The following LPAR1 variants were observed in gnomAD, a reference collection of about 807,000 sequenced individuals.
The protein encoded by LPAR1 is lysophosphatidic acid receptor 1, also known as LPA receptor 1.
LPAR1 carries 5 observed loss-of-function variants against 23.8 expected under a neutral mutation model. The observed-to-expected ratio is 0.21, with a 90% CI of 0.11 to 0.44. The LOEUF is 0.44. LPAR1 is among the 20% of genes least tolerant of loss of function. The pLI is 0.99. For missense variants in LPAR1, 311 were observed against 482.8 expected (o/e 0.64, Z 3.33); for synonymous variants, 160 against 164.7 (o/e 0.97, Z 0.22).
chr9:111,002,056 T>G (rs768384030), intron 2 of LPAR1, among the ~76,000 whole-genome samples: 30 of 152,200 alleles, frequency 2.0e-4, no homozygotes, highest in Non-Finnish European at 4.4e-5. Context: ...ATTTAGCTTT[T>G]AACATATGCT....
Position 110,909,478 on chromosome 9 carries a change from C to T in LPAR1, c.793+31943G>A, listed in dbSNP as rs73655673. Among the ~76,000 whole-genome samples, 622 of 152,272 alleles carry T rather than the reference C, an allele frequency of 4.1e-3. 1 individual carries two copies. The highest frequency in any genetic ancestry group is 0.013 in the African/African-American group (526 of 41,566). On this transcript the variant is annotated intron_variant, in intron 5 of 5. Transcript: ENST00000683809. ...GGTGTTTCAGTAACAGTATAAGTTA[C>T]GTGATCCTAGCACCTTCCTGTACAG...
At chr9:110,915,332 T>C (rs1588295686) in intron 5 of LPAR1, among the ~76,000 whole-genome samples, 1 of 151,752 alleles carries the variant, frequency 6.6e-6, no homozygotes, top group East Asian at 1.9e-4. Flanking sequence ...AGGTAAAGAG[T>C]TGGAGACCAG....
chr9:111,034,650 C>G (rs1021341692), intron 2 of LPAR1, among the ~76,000 whole-genome samples: 2 of 152,126 alleles, frequency 1.3e-5, no homozygotes, highest in African/African-American at 4.8e-5. Flanking sequence ...TAAAACGTAG[C>G]AGCCATAAGT....
chr9:110,968,299 G>A (rs556248612), intron 4 of LPAR1, among the ~76,000 whole-genome samples: 36 of 152,194 alleles, frequency 2.4e-4, no homozygotes, highest in African/African-American at 7.0e-4. Flanking sequence ...ATTGGCTCGC[G>A]AAATTCCTGA....
At chr9:110,897,696 A>G (rs1044550116) in intron 5 of LPAR1, among the ~76,000 whole-genome samples, 1 of 152,222 alleles carries the variant, frequency 6.6e-6, no homozygotes, top group Non-Finnish European at 1.5e-5. Flanking sequence ...CTTTGAAGAT[A>G]AAACAACATA....
Position 110,873,538 on chromosome 9 carries a change from C to G in LPAR1, c.*1883G>C, listed in dbSNP as rs1290469335. 4 of 152,492 alleles carry G rather than the reference C, an allele frequency of 2.6e-5. No individual in the cohort carries two copies. The highest frequency in any genetic ancestry group is 9.7e-5 in the African/African-American group (4 of 41,432). 9.4% of individuals were successfully genotyped at this position (152,492 alleles called of 1,614,324 possible). A position where few individuals can be genotyped will look rare whatever the true frequency, so the allele number is the denominator to read the frequency against. On this transcript the variant is annotated 3_prime_UTR_variant, in exon 6 of 6. Coordinates refer to ENST00000683809, the MANE Select transcript of LPAR1 (RefSeq NM_001351411.2). ...CCTTCCTAGACAGCCATTCATCTCC[C>G]GGACTTCTTTCTCTCAGACATCCTC...
chr9:110,924,765 G>T (rs547634470), intron 5 of LPAR1, among the ~76,000 whole-genome samples: 1 of 152,208 alleles, frequency 6.6e-6, no homozygotes, highest in Non-Finnish European at 1.5e-5. Flanking sequence ...AACATCACCT[G>T]TATGTCAACA....
At chr9:110,980,291 A>G (rs895429522) in intron 2 of LPAR1, among the ~76,000 whole-genome samples, 4 of 152,112 alleles carry the variant, frequency 2.6e-5, no homozygotes, top group Non-Finnish European at 5.9e-5. Context: ...AAAAATTTTC[A>G]AAAAGAAGTT....
chr9:111,012,159 G>A (rs908913389), intron 2 of LPAR1, among the ~76,000 whole-genome samples: 2 of 152,202 alleles, frequency 1.3e-5, no homozygotes, highest in African/African-American at 4.8e-5. Flanking sequence ...GCTGAGGTAA[G>A]AGAATTGCTT....
chr9:111,014,159 A>G (rs1017962027), intron 2 of LPAR1, among the ~76,000 whole-genome samples: 1 of 152,064 alleles, frequency 6.6e-6, no homozygotes, highest in African/African-American at 2.4e-5. Context: ...CTTTCTGCCA[A>G]TCTGCCCTTT....
chr9:110,994,795 T>C (rs1241833017), intron 2 of LPAR1, among the ~76,000 whole-genome samples: 1 of 152,110 alleles, frequency 6.6e-6, no homozygotes, highest in Non-Finnish European at 1.5e-5. Flanking sequence ...TGTTACAAAG[T>C]ACATGACTAC....
intron 5 of LPAR1, among the ~76,000 whole-genome samples, chr9:110,906,970 A>T (rs879829804): frequency 6.6e-6 from 1 of 152,150 alleles, no homozygotes; most frequent in Non-Finnish European, 1.5e-5. Context: ...TAATTCTGTA[A>T]CTTAAAAAAT....
In LPAR1 at chr9:110,972,193, C is replaced by A; in HGVS notation, c.-76G>T. The A allele has an allele frequency of 1.5e-6, 2 of 1,313,984 alleles. No individual in the cohort carries two copies. Among genetic ancestry groups the A allele is most frequent in the South Asian group, 1.2e-5 (1 of 84,158 alleles). The allele number at this position is 1,313,984 out of a possible 1,614,324, so 81.4% of individuals were successfully genotyped here. Reference sequence around the variant, plus strand: ...AAATTTTCTTGTTTGCTGATCAGATCGAAGTCATGCTAGGAGAAGCTGTGT... The same window carrying A: ...AAATTTTCTTGTTTGCTGATCAGATAGAAGTCATGCTAGGAGAAGCTGTGT... On this transcript the variant is annotated 5_prime_UTR_variant, in exon 4 of 6. Transcript: ENST00000683809.
At chr9:111,024,381 A>T (rs1014256024) in intron 2 of LPAR1, among the ~76,000 whole-genome samples, 18 of 148,042 alleles carry the variant, frequency 1.2e-4, no homozygotes, top group East Asian at 1.2e-3. Context: ...ATATATACAT[A>T]TTTTTATATA....
intron 5 of LPAR1, among the ~76,000 whole-genome samples, chr9:110,932,338 G>A (rs2094464288): frequency 6.6e-6 from 1 of 152,136 alleles, no homozygotes; most frequent in African/African-American, 2.4e-5. Context: ...TGAGAGATTA[G>A]GAGTTATTAA....
intron 4 of LPAR1, among the ~76,000 whole-genome samples, chr9:110,955,564 A>G (rs781180427): frequency 6.6e-6 from 1 of 152,222 alleles, no homozygotes; most frequent in Non-Finnish European, 1.5e-5. Context: ...ACAAAAATGG[A>G]CCTAATAGAC....
intron 2 of LPAR1, among the ~76,000 whole-genome samples, chr9:111,024,123 C>A (rs2097631231): frequency 1.3e-5 from 2 of 151,952 alleles, no homozygotes; most frequent in South Asian, 2.1e-4. Flanking sequence ...ACAATGCATA[C>A]CACACCTTTT....
At chr9:110,911,307 G>C (rs2092396393) in intron 5 of LPAR1, among the ~76,000 whole-genome samples, 2 of 152,120 alleles carry the variant, frequency 1.3e-5, no homozygotes, top group South Asian at 2.1e-4. Flanking sequence ...AGCACTTTGA[G>C]AGACCAAGGC....
chr9:110,987,007 G>A (rs938358220), intron 2 of LPAR1, among the ~76,000 whole-genome samples: 1 of 152,038 alleles, frequency 6.6e-6, no homozygotes, highest in African/African-American at 2.4e-5. Flanking sequence ...TGAAACTGTT[G>A]TAACCTTTCT....
Sources: allele counts gnomAD v4.1 joint callset (sites outside exome capture counted in the v4.1 genomes callset), GRCh38; gene constraint gnomAD v4.1.1; transcripts MANE v1.5; gene names NCBI Gene and HGNC (gene_info 2026-07-23, HGNC 2026-07-21).